IGLL5: variants seen among roughly 807,000 people sequenced by gnomAD.
The protein encoded by IGLL5 is immunoglobulin lambda like polypeptide 5.
In IGLL5, 30 loss-of-function variants were observed where a neutral mutation model predicts 20.9. That is an observed-to-expected ratio of 1.44 (90% CI 1.07 to 1.95). The LOEUF (loss-of-function observed/expected upper bound fraction) is 1.95, where lower values mean the gene tolerates loss of function less well. IGLL5 is among the 30% of genes most tolerant of loss of function. The pLI is 0.00. For missense variants in IGLL5, 475 were observed against 270.7 expected, an observed-to-expected ratio of 1.75 and a Z score of -5.30; for synonymous variants, 203 against 117.3, an observed-to-expected ratio of 1.73 and a Z score of -4.72.
intron 1 of IGLL5, among the ~76,000 whole-genome samples, 186 bp downstream of exon 1, chr22:22,888,445 A>G (rs142715950): frequency 4.0e-5 from 6 of 151,388 alleles, no homozygotes; most frequent in East Asian, 2.0e-4. Flanking sequence ...TACTGTTTTT[A>G]ATATCATATT....
At chr22:22,890,082 T>G (rs571867103) in intron 1 of IGLL5, among the ~76,000 whole-genome samples, 1 of 150,378 alleles carries the variant, frequency 6.6e-6, no homozygotes, top group African/African-American at 2.4e-5. Flanking sequence ...AATACAACAG[T>G]AATGTACTCA....
chr22:22,890,043 A>G (rs1314382559), intron 1 of IGLL5, among the ~76,000 whole-genome samples: 2 of 151,174 alleles, frequency 1.3e-5, no homozygotes, highest in African/African-American at 4.8e-5. Flanking sequence ...TTGTTCACAA[A>G]AAGAGACATT....
intron 2 of IGLL5, among the ~76,000 whole-genome samples, chr22:22,894,271 A>G (rs149674183): frequency 1.1e-4 from 17 of 150,744 alleles, no homozygotes; most frequent in East Asian, 8.3e-4. Context: ...CTGGATGCCA[A>G]TCCAGCCTGG....
chr22:22,888,203 AGACCCTG>A lies in IGLL5; in HGVS notation c.153_159del (p.Asp51GlufsTer56). The A allele has an allele frequency of 6.5e-7, 1 of 1,548,658 alleles. No individual in the cohort carries two copies. The highest frequency in any genetic ancestry group is 8.7e-7 in the Non-Finnish European group (1 of 1,146,518). On this transcript the variant is annotated frameshift_variant, in exon 1 of 3. Transcript: ENST00000526893. LOFTEE classifies it high-confidence loss of function. ...TGGTTGCACCGCAAAGCGGGGACCC[AGACCCTG>A]GAGCCTCAGTTGGAAGCAGCCGATC...
chr22:22,889,271 A>C lies in IGLL5; in HGVS notation c.206+1012A>C, dbSNP rs183315575. ...AGAGCACCCAGGGGCCCAGTTTCCT[A>C]TGAAATGGGAGCATGAAGTTGAAGT... is the stretch of plus-strand genomic sequence containing the variant. On this transcript the variant is annotated intron_variant, in intron 1 of 2. Transcript: ENST00000526893. Among the ~76,000 whole-genome samples, 7 of 151,072 alleles carry C rather than the reference A, an allele frequency of 4.6e-5. 1 individual carries two copies. Among genetic ancestry groups the C allele is most frequent in the South Asian group, 4.2e-4 (2 of 4,736 alleles).
Position 22,895,805 on chromosome 22 carries a change from C to A in IGLL5, c.*111C>A. ...CCCTTCTCCCTGCACTCATGAAACC[C>A]CAATAAATATCCTCATTGACAACCA... On this transcript the variant is annotated 3_prime_UTR_variant, in exon 3 of 3. Transcript: ENST00000526893. 2.1e-6 allele frequency: 2 copies of A among 970,760 alleles called. No homozygotes were observed. Among genetic ancestry groups the A allele is most frequent in the East Asian group, 2.4e-5 (1 of 40,988 alleles). 60.1% of individuals were successfully genotyped at this position (970,760 alleles called of 1,614,324 possible). A position where few individuals can be genotyped will look rare whatever the true frequency, so the allele number is the denominator to read the frequency against.
At chr22:22,891,770 A>C (rs566793306) in intron 1 of IGLL5, among the ~76,000 whole-genome samples, 1 of 151,352 alleles carries the variant, frequency 6.6e-6, no homozygotes, top group South Asian at 2.1e-4. Context: ...TGAAGTTATA[A>C]ATTTTTTCAC....
intron 2 of IGLL5, among the ~76,000 whole-genome samples, chr22:22,894,334 A>C (rs2068018154): frequency 6.6e-6 from 1 of 151,382 alleles, no homozygotes; most frequent in African/African-American, 2.4e-5. Context: ...AGACCAATGG[A>C]GGGCACAGAG....
chr22:22,888,521 C>CTTTA, intron 1 of IGLL5, among the ~76,000 whole-genome samples: 1 of 151,430 alleles, frequency 6.6e-6, no homozygotes, highest in Non-Finnish European at 1.5e-5. Flanking sequence ...GGGTCAGTGC[C>CTTTA]TCAATCACCT....
At chr22:22,888,915 C>G (rs1601604947) in intron 1 of IGLL5, among the ~76,000 whole-genome samples, 1 of 151,288 alleles carries the variant, frequency 6.6e-6, no homozygotes, top group South Asian at 2.1e-4. Context: ...TCGAGGGGCA[C>G]TGGCTGGTGA....
Position 22,895,634 on chromosome 22 carries a change from C to G in IGLL5, c.585C>G (p.Cys195Trp), listed in dbSNP as rs748425281. The G allele has an allele frequency of 5.6e-6, 9 of 1,613,214 alleles. No individual in the cohort carries two copies. Among genetic ancestry groups the G allele is most frequent in the Non-Finnish European group, 7.6e-6 (9 of 1,179,784 alleles). ...GGAAGTCCCACAGAAGCTACAGCTG[C>G]CAGGTCACGCATGAAGGGAGCACCG... ...EQWKSHRSYSCQVTHEGSTVE... is the reference protein window; with the variant it reads ...EQWKSHRSYSWQVTHEGSTVE... Residue 195 changes from cysteine to tryptophan, a missense_variant, in exon 3 of 3, where the codon TGC (cysteine) becomes TGG (tryptophan). Physicochemically the swap from Cys to Trp is radical, Grantham distance 215 (BLOSUM62 -2). Coordinates refer to ENST00000526893, the MANE Select transcript of IGLL5 (RefSeq NM_001178126.2).
At chr22:22,894,201 T>TA in intron 2 of IGLL5, among the ~76,000 whole-genome samples, 1 of 151,194 alleles carries the variant, frequency 6.6e-6, no homozygotes, top group Admixed American at 6.6e-5. Flanking sequence ...GCCTGGGAGC[T>TA]GCTGAGTCTC....
chr22:22,893,891 G>GGGC (rs1381243349), intron 2 of IGLL5, 73 bp downstream of exon 2: 1 of 1,038,622 alleles, frequency 9.6e-7, no homozygotes, highest in Non-Finnish European at 1.5e-6. Context: ...TCTCTCTCTG[G>GGGC]GGCTTCCTCC....
chr22:22,895,106 T>A (rs921427745), intron 2 of IGLL5, among the ~76,000 whole-genome samples: 3 of 151,214 alleles, frequency 2.0e-5, no homozygotes, highest in Non-Finnish European at 4.4e-5. Context: ...CAGCCTGCCC[T>A]GGGTATATGG....
At chr22:22,894,573 G>C in intron 2 of IGLL5, among the ~76,000 whole-genome samples, 1 of 151,530 alleles carries the variant, frequency 6.6e-6, no homozygotes, top group East Asian at 2.0e-4. Context: ...CTTCCTCAAA[G>C]GGCATGTTAG....
intron 1 of IGLL5, among the ~76,000 whole-genome samples, chr22:22,889,701 C>A (rs1452197346): frequency 6.6e-6 from 1 of 151,282 alleles, no homozygotes; most frequent in Admixed American, 6.6e-5. Flanking sequence ...GATCCTCCAG[C>A]CTCAGCCTCC....
rs2067556245 is a variant in IGLL5, at chr22:22,887,987, A to G, written c.-67A>G. The G allele has an allele frequency of 1.6e-6, 2 of 1,286,532 alleles. No individual in the cohort carries two copies. The allele number at this position is 1,286,532 out of a possible 1,614,324, so 79.7% of individuals were successfully genotyped here. On this transcript the variant is annotated 5_prime_UTR_variant, in exon 1 of 3. Coordinates refer to ENST00000526893, the MANE Select transcript of IGLL5 (RefSeq NM_001178126.2). ...AACAGCCCTGCTGGCGAGAGGGACC[A>G]GGGCACCGTCCTCCAGGGAGCCCAT...
At chr22:22,888,850 C>G (rs142142708) in intron 1 of IGLL5, among the ~76,000 whole-genome samples, 4 of 151,330 alleles carry the variant, frequency 2.6e-5, no homozygotes, top group East Asian at 4.1e-4. Context: ...ATGTTTGGAG[C>G]AATAAAGGGA....
intron 1 of IGLL5, among the ~76,000 whole-genome samples, chr22:22,891,748 A>G (rs1355945473): frequency 6.6e-6 from 1 of 151,330 alleles, no homozygotes; most frequent in Non-Finnish European, 1.5e-5. Flanking sequence ...GGGTTTGTAA[A>G]TATAATTTTA....
Sources: gnomAD v4.1 joint callset for allele counts (sites outside exome capture counted in the v4.1 genomes callset) on GRCh38, gnomAD v4.1.1 for gene constraint, MANE v1.5 for transcripts, NCBI Gene and HGNC (gene_info 2026-07-23, HGNC 2026-07-21) for gene names.